Variants in SORCS3 observed in about 807,000 individuals in gnomAD.
SORCS3 encodes the protein sortilin related VPS10 domain containing receptor 3, also known as VPS10 domain-containing receptor SorCS3.
SORCS3 carries 57 observed loss-of-function variants against 146.3 expected under a neutral mutation model. That is an observed-to-expected ratio of 0.39 (90% CI 0.31 to 0.49). The LOEUF is 0.49. Ranked by LOEUF, SORCS3 falls within the 20% of genes least tolerant of loss-of-function variation. The pLI, the probability that SORCS3 is intolerant of heterozygous loss-of-function variation, is 0.92. For missense variants in SORCS3, 1,341 were observed against 1,575.5 expected (o/e 0.85, Z 2.52); for synonymous variants, 653 against 618.5 (o/e 1.06, Z -0.83).
chr10:105,225,926 C>A (rs1468500934), intron 20 of SORCS3, among the ~76,000 whole-genome samples: 2 of 151,892 alleles, frequency 1.3e-5, no homozygotes, highest in Non-Finnish European at 2.9e-5. Context: ...TATTCCGCAA[C>A]TTTACTGAAT....
chr10:104,956,171 G>A (rs1328951721), intron 3 of SORCS3, among the ~76,000 whole-genome samples: 2 of 152,208 alleles, frequency 1.3e-5, no homozygotes, highest in East Asian at 3.8e-4. Context: ...CTGGGGACAT[G>A]GGGCTGGAAC....
intron 5 of SORCS3, among the ~76,000 whole-genome samples, chr10:105,072,333 GA>G (rs919764606): frequency 2.0e-5 from 3 of 152,126 alleles, no homozygotes; most frequent in Non-Finnish European, 2.9e-5. Context: ...AATTAAAGAT[GA>G]AAAAGCGCCT....
intron 2 of SORCS3, among the ~76,000 whole-genome samples, chr10:104,843,768 C>G (rs2018172691): frequency 6.6e-6 from 1 of 152,254 alleles, no homozygotes. Flanking sequence ...TGCAGTCACA[C>G]TGGTCGACAG....
At chr10:105,021,188 G>C (rs1414973153) in intron 4 of SORCS3, among the ~76,000 whole-genome samples, 2 of 152,134 alleles carry the variant, frequency 1.3e-5, no homozygotes, top group Non-Finnish European at 2.9e-5. Context: ...ATTGTCTCAT[G>C]GTTCTAGCTG....
intron 4 of SORCS3, among the ~76,000 whole-genome samples, chr10:105,018,719 G>T (rs908146804): frequency 6.6e-6 from 1 of 152,152 alleles, no homozygotes; most frequent in Non-Finnish European, 1.5e-5. Flanking sequence ...CTCAGGAGAG[G>T]CTAGAAGAGG....
At chr10:104,716,457 G>C (rs1475207886) in intron 1 of SORCS3, among the ~76,000 whole-genome samples, 2 of 152,026 alleles carry the variant, frequency 1.3e-5, no homozygotes, top group African/African-American at 4.8e-5. Flanking sequence ...AGGGAGAGCT[G>C]AGTTTCAAAT....
intron 14 of SORCS3, among the ~76,000 whole-genome samples, chr10:105,196,294 C>G (rs1050473797): frequency 2.0e-5 from 3 of 152,168 alleles, no homozygotes; most frequent in Non-Finnish European, 4.4e-5. Flanking sequence ...GTTGTTAGAA[C>G]CTTTGTCTGT....
chr10:104,842,189 A>G (rs571105040), intron 1 of SORCS3, among the ~76,000 whole-genome samples: 78 of 152,350 alleles, frequency 5.1e-4, no homozygotes, highest in African/African-American at 1.8e-3. Context: ...GTGGGGTTCA[A>G]TGATCTGCTT....
intron 20 of SORCS3, among the ~76,000 whole-genome samples, chr10:105,239,183 G>T (rs913025839): frequency 1.3e-5 from 2 of 152,100 alleles, no homozygotes; most frequent in African/African-American, 4.8e-5. Context: ...TGTATGTTAA[G>T]ATTTTTTATA....
chr10:104,960,542 A>G (rs998123402), intron 3 of SORCS3, among the ~76,000 whole-genome samples: 3 of 152,068 alleles, frequency 2.0e-5, no homozygotes, highest in Admixed American at 6.6e-5. Context: ...CCAACATGCT[A>G]TGCTCAGATC....
At chr10:105,230,195 G>A (rs2056758709) in intron 20 of SORCS3, among the ~76,000 whole-genome samples, 1 of 152,020 alleles carries the variant, frequency 6.6e-6, no homozygotes, top group Non-Finnish European at 1.5e-5. Flanking sequence ...CTCAGATTGA[G>A]TCTTCTGGCT....
At chr10:104,987,218 G>T (rs2133659492) in intron 4 of SORCS3, among the ~76,000 whole-genome samples, 1 of 152,030 alleles carries the variant, frequency 6.6e-6, no homozygotes, top group African/African-American at 2.4e-5. Context: ...ATGTAGGAAG[G>T]GAGAAAAAAG....
chr10:104,944,817 C>A (rs1425628306), intron 3 of SORCS3, among the ~76,000 whole-genome samples: 2 of 152,172 alleles, frequency 1.3e-5, no homozygotes, highest in Non-Finnish European at 2.9e-5. Context: ...TATATACACA[C>A]CCTGTGACCC....
intron 7 of SORCS3, among the ~76,000 whole-genome samples, chr10:105,134,052 G>T (rs1002508320): frequency 2.0e-5 from 3 of 152,132 alleles, no homozygotes; most frequent in Non-Finnish European, 2.9e-5. Context: ...CAATTACAGA[G>T]ATTTTTAAAA....
intron 14 of SORCS3, among the ~76,000 whole-genome samples, chr10:105,186,990 A>C (rs1482480661): frequency 6.6e-6 from 1 of 151,812 alleles, no homozygotes; most frequent in Non-Finnish European, 1.5e-5. Flanking sequence ...TCATTGCTCA[A>C]CTCCAGACTT....
chr10:104,908,680 T>C, intron 2 of SORCS3, among the ~76,000 whole-genome samples: 1 of 152,234 alleles, frequency 6.6e-6, no homozygotes, highest in East Asian at 1.9e-4. Context: ...TTTGAGAAGC[T>C]TTTAGCAATT....
chr10:104,732,541 C>T (rs369022706), intron 1 of SORCS3, among the ~76,000 whole-genome samples: 5 of 152,302 alleles, frequency 3.3e-5, no homozygotes, highest in African/African-American at 1.2e-4. Flanking sequence ...CTTTGCTGTG[C>T]CCCCAAGGGG....
intron 4 of SORCS3, among the ~76,000 whole-genome samples, chr10:104,984,192 A>G (rs1486979872): frequency 2.6e-5 from 4 of 152,224 alleles, no homozygotes. Context: ...ACAATAGAGA[A>G]GAAGAAATAC....
At chr10:105,125,710 A>C (rs553988831) in intron 7 of SORCS3, among the ~76,000 whole-genome samples, 14 of 24,088 alleles carry the variant, frequency 5.8e-4, no homozygotes, top group South Asian at 3.9e-3. Context: ...CACACACACA[A>C]AACAGGCAGC....
Sources: allele counts gnomAD v4.1 joint callset (sites outside exome capture counted in the v4.1 genomes callset), GRCh38; gene constraint gnomAD v4.1.1; transcripts MANE v1.5; gene names NCBI Gene and HGNC (gene_info 2026-07-23, HGNC 2026-07-21).